The following TTLL3 variants were observed in gnomAD, a reference collection of about 807,000 sequenced individuals.
TTLL3 encodes the protein tubulin tyrosine ligase like 3.
TTLL3 carries 63 observed loss-of-function variants against 75.2 expected under a neutral mutation model. The observed-to-expected ratio is 0.84, with a 90% CI of 0.68 to 1.03. TTLL3 has a LOEUF of 1.03. Among genes scored for constraint, TTLL3 ranks in the 50% least tolerant of loss-of-function variants. TTLL3 has a pLI of 0.00. For synonymous variants in TTLL3, 393 were observed against 418.5 expected, an observed-to-expected ratio of 0.94 and a Z score of 0.74; for missense variants, 997 against 1,069.9, an observed-to-expected ratio of 0.93 and a Z score of 0.95.
In TTLL3 at chr3:9,810,475, C is replaced by T. The variant is rs983183650; in HGVS notation, c.-42+81C>T. ...ACGCTGGGGTGGAGGGACTGGGGGTCGGGAGAAGAGCGGCTGAGGGTGGGC... is the reference window on the plus strand; with the variant it reads ...ACGCTGGGGTGGAGGGACTGGGGGTTGGGAGAAGAGCGGCTGAGGGTGGGC... On this transcript the variant is annotated intron_variant, in intron 1 of 13. Transcript: ENST00000685419. This position sits in a 1 kb window ranked among gnomAD's most constrained non-coding sequence, Gnocchi z 4.4. 3 of 1,442,640 alleles carry T rather than the reference C, an allele frequency of 2.1e-6. No individual in the cohort carries two copies. The highest frequency in any genetic ancestry group is 2.7e-6 in the Non-Finnish European group (3 of 1,100,150). The allele number at this position is 1,442,640 out of a possible 1,614,324, so 89.4% of individuals were successfully genotyped here. A position where few individuals can be genotyped will look rare whatever the true frequency, so the allele number is the denominator to read the frequency against.
chr3:9,809,836 G>A (rs1042607654), upstream of TTLL3: 5 of 464,568 alleles, frequency 1.1e-5, no homozygotes, highest in East Asian at 3.7e-5. Context: ...AACCAGCCCC[G>A]AGCGGTCTGA....
At chr3:9,813,726 A>G (rs1020369667) in intron 4 of TTLL3, among the ~76,000 whole-genome samples, 2 of 152,170 alleles carry the variant, frequency 1.3e-5, no homozygotes, top group African/African-American at 4.8e-5. Flanking sequence ...TACAGGCTGC[A>G]GTGAGCTATG....
At chr3:9,834,524 T>A in intron 12 of TTLL3, 157 bp from the exon 13 acceptor site, 1 of 1,226,102 alleles carries the variant, frequency 8.2e-7, no homozygotes, top group Non-Finnish European at 1.2e-6. Context: ...CTCTACCCTG[T>A]TTTCTTCTCA....
At chr3:9,818,674 A>G in intron 6 of TTLL3, 148 bp from the exon 7 acceptor site, 3 of 1,515,522 alleles carry the variant, frequency 2.0e-6, no homozygotes, top group East Asian at 2.3e-5. Context: ...AGCCTGAAAC[A>G]GGAGCAAGTT....
rs2081960533 is a variant in TTLL3, at chr3:9,835,119, G to A, written c.2078G>A (p.Gly693Asp). ...GCTCCTGCTCTCCTGTGCCTCCGAG[G>A]CCCCCAGCTGGAAGTGCCTTGTTGC... The part of the protein sequence containing the change: ...RKAPALLCLR[G>D]PQLEVPCCLC... Residue 693 changes from glycine (G) to aspartate (D), a missense_variant, in exon 14 of 14, where the codon GGC becomes GAC. Coordinates refer to ENST00000685419, the MANE Select transcript of TTLL3 (RefSeq NM_001387446.1). 1 of 1,612,196 alleles carries A rather than the reference G, an allele frequency of 6.2e-7. No homozygotes were observed. Among genetic ancestry groups the A allele is most frequent in the Non-Finnish European group, 8.5e-7 (1 of 1,178,794 alleles).
Position 9,827,182 on chromosome 3 carries a change from T to C in TTLL3, c.1189T>C (p.Tyr397His). The C allele has an allele frequency of 6.2e-7, 1 of 1,614,258 alleles. No homozygotes were observed. ...CTGGAACCCACTTACCGTGTGGTTC[T>C]ACCGCGACAGCTATATCCGCTTTTC... is the stretch of plus-strand genomic sequence containing the variant. ...TDWNPLTVWFYRDSYIRFSTQ... is the reference protein window; with the variant it reads ...TDWNPLTVWFHRDSYIRFSTQ... The change falls in exon 10 of 14, where the codon TAC (tyrosine) becomes CAC (histidine). Residue 397 changes from tyrosine to histidine, a missense_variant. Coordinates refer to ENST00000685419, the MANE Select transcript of TTLL3 (RefSeq NM_001387446.1).
At position 9,813,316 on chromosome 3, in the gene TTLL3, G is replaced by T; in HGVS notation, c.286G>T (p.Asp96Tyr). The change falls in exon 4 of 14, where the codon GAT becomes TAT. Residue 96 changes from aspartate to tyrosine, a missense_variant. By Grantham distance (160) the Asp-to-Tyr change is radical. Coordinates refer to ENST00000685419, the MANE Select transcript of TTLL3 (RefSeq NM_001387446.1). Reference protein sequence around the residue: ...LFDFDDLLKFDDLDGTHALMS... With the variant: ...LFDFDDLLKFYDLDGTHALMS... Reference sequence around the variant, plus strand: ...CGACTTCGATGATTTACTGAAATTTGATGACCTAGATGGAACACATGCTCT... The same window carrying T: ...CGACTTCGATGATTTACTGAAATTTTATGACCTAGATGGAACACATGCTCT... 1 of 1,614,222 alleles carries T rather than the reference G, an allele frequency of 6.2e-7. No individual in the cohort carries two copies. Among genetic ancestry groups the T allele is most frequent in the Non-Finnish European group, 8.5e-7 (1 of 1,180,040 alleles).
At chr3:9,824,380 C>G (rs4686376) in intron 8 of TTLL3, among the ~76,000 whole-genome samples, 132,300 of 152,278 alleles carry the variant, frequency 0.87, 57,689 homozygotes, top group Middle Eastern at 0.89. Context: ...GTATGGCCTT[C>G]GGTAAGTCCC....
At chr3:9,826,924 G>A in intron 9 of TTLL3, 73 bp from the exon 10 acceptor site, 1 of 1,598,700 alleles carries the variant, frequency 6.3e-7, no homozygotes, top group Non-Finnish European at 8.5e-7. Context: ...GGGGACAAGA[G>A]CTCATGACAA....
chr3:9,822,056 G>A (rs1329408983), intron 8 of TTLL3, among the ~76,000 whole-genome samples: 2 of 130,476 alleles, frequency 1.5e-5, no homozygotes, highest in East Asian at 2.2e-4. Flanking sequence ...CATGAAGCAC[G>A]AGTCCCTTTT....
chr3:9,819,484 G>A lies in TTLL3; in HGVS notation c.658+564G>A, dbSNP rs1241345966. Reference sequence around the variant, plus strand: ...AGGGCAGACTAAGAAGACATGGTCCGTCCCTGCCTGTGAGGAGTTCAGGTC... The same window carrying A: ...AGGGCAGACTAAGAAGACATGGTCCATCCCTGCCTGTGAGGAGTTCAGGTC... On this transcript the variant is annotated intron_variant, in intron 7 of 13. Coordinates refer to ENST00000685419, the MANE Select transcript of TTLL3 (RefSeq NM_001387446.1). The A allele has an allele frequency of 2.7e-5, 27 of 991,268 alleles. No individual in the cohort carries two copies. The South Asian group carries it at 5.5e-4, about 20-fold the overall frequency. The allele number at this position is 991,268 out of a possible 1,614,324, so 61.4% of individuals were successfully genotyped here.
intron 8 of TTLL3, among the ~76,000 whole-genome samples, chr3:9,821,962 CACT>C (rs892351451): frequency 1.4e-5 from 2 of 146,186 alleles, no homozygotes; most frequent in Admixed American, 6.9e-5. Flanking sequence ...GAGATCGCGC[CACT>C]GTACTCCAGC....
chr3:9,820,730 C>T lies in TTLL3; in HGVS notation c.843C>T (p.Tyr281=), dbSNP rs769585923. 3.1e-6 allele frequency: 5 copies of T among 1,614,054 alleles called. No individual in the cohort carries two copies. The highest frequency in any genetic ancestry group is 2.2e-5 in the South Asian group (2 of 91,082). ...EGWSLFLQRY[Y]QVVHEGAELR... is the part of the protein sequence containing the mutation. The stretch of plus-strand genomic sequence containing the variant: ...GGTCCCTCTTCCTCCAGCGCTACTA[C>T]CAAGTGGTCCAGTGAGTCCCCTGCA... The change falls in exon 8 of 14, where the codon TAC becomes TAT. Residue 281 remains tyrosine, a synonymous_variant. Coordinates refer to ENST00000685419, the MANE Select transcript of TTLL3 (RefSeq NM_001387446.1).
chr3:9,824,448 T>C (rs2080817619), intron 8 of TTLL3, among the ~76,000 whole-genome samples: 1 of 152,240 alleles, frequency 6.6e-6, no homozygotes, highest in African/African-American at 2.4e-5. Flanking sequence ...CCTCGCTCCG[T>C]TGCCCACACT....
At position 9,810,277 on chromosome 3, in the gene TTLL3, C is replaced by T. The variant is rs1038615928; in HGVS notation, c.-159C>T. 1.5e-5 allele frequency: 22 copies of T among 1,505,802 alleles called. No individual in the cohort carries two copies. Among genetic ancestry groups the T allele is most frequent in the Non-Finnish European group, 1.8e-5 (21 of 1,136,278 alleles). The allele number at this position is 1,505,802 out of a possible 1,614,324, so 93.3% of individuals were successfully genotyped here. ...CCAGGCGGGCAGCCCCGCCCCTGCGCGCCGCCTCAGCGGCGCCTTCAAGAC... is the reference window on the plus strand; with the variant it reads ...CCAGGCGGGCAGCCCCGCCCCTGCGTGCCGCCTCAGCGGCGCCTTCAAGAC... On this transcript the variant is annotated 5_prime_UTR_variant, in exon 1 of 14. Transcript: ENST00000685419. The surrounding 1 kb of genome is among the most constrained non-coding windows in gnomAD (Gnocchi z 4.4).
chr3:9,822,852 G>T (rs62247463), intron 8 of TTLL3, among the ~76,000 whole-genome samples: 84,958 of 145,066 alleles, frequency 0.59, 25,847 homozygotes, highest in Non-Finnish European at 0.66. Flanking sequence ...CAAACAATCC[G>T]CCCGCCTTGG....
In TTLL3 at chr3:9,822,002, C is replaced by CA. The variant is rs1197157115; in HGVS notation, c.854+1278dup. Among the ~76,000 whole-genome samples the CA allele has an allele frequency of 8.9e-3, 440 of 49,350 alleles. 1 individual carries two copies. The highest frequency in any genetic ancestry group is 0.019 in the African/African-American group (253 of 13,018). 32.4% of individuals were successfully genotyped at this position (49,350 alleles called of 152,430 possible). ...TGGGTGACAGAATGAGACTCCGTCT[C>CA]AAAAAAAAAAAAAAAAAGAATTTTC... On this transcript the variant is annotated intron_variant, in intron 8 of 13. Transcript: ENST00000685419.
chr3:9,822,591 T>G (rs1476150373), intron 8 of TTLL3, among the ~76,000 whole-genome samples: 1 of 151,576 alleles, frequency 6.6e-6, no homozygotes, highest in Non-Finnish European at 1.5e-5. Context: ...TGGCGCAGTC[T>G]TGGCTCACTG....
chr3:9,819,045 A>G lies in TTLL3; in HGVS notation c.658+125A>G, dbSNP rs1575376544. 8 of 1,241,808 alleles carry G rather than the reference A, an allele frequency of 6.4e-6. No homozygotes were observed. In the African/African-American group the frequency reaches 7.4e-5, roughly 11 times the overall value. The allele number at this position is 1,241,808 out of a possible 1,614,324, so 76.9% of individuals were successfully genotyped here. ...TACTGGTTCATCCACACATCTGTGT[A>G]TGATTCACATCTACCCATCTATCCA... is the stretch of plus-strand genomic sequence containing the variant. On this transcript the variant is annotated intron_variant, in intron 7 of 13. Transcript: ENST00000685419.
Sources: gnomAD v4.1 joint callset for allele counts (sites outside exome capture counted in the v4.1 genomes callset) on GRCh38, gnomAD v4.1.1 for gene constraint, Gnocchi (gnomAD v3.1) non-coding constraint, MANE v1.5 for transcripts, NCBI Gene and HGNC (gene_info 2026-07-23, HGNC 2026-07-21) for gene names.